Variants in VEPH1 observed in about 807,000 individuals in gnomAD.
VEPH1 encodes the protein ventricular zone-expressed PH domain-containing protein homolog 1.
Under a neutral mutation model 85.2 loss-of-function variants are expected in VEPH1, and 80 were observed. That is an observed-to-expected ratio of 0.94 (90% CI 0.78 to 1.13). VEPH1 has a LOEUF of 1.13. Among genes scored for constraint, VEPH1 ranks in the 50% most tolerant of loss-of-function variants. The pLI, the probability that VEPH1 is intolerant of heterozygous loss-of-function variation, is 0.00. For missense variants in VEPH1, 955 were observed against 980.5 expected, an observed-to-expected ratio of 0.97 and a Z score of 0.35; for synonymous variants, 297 against 348.0, an observed-to-expected ratio of 0.85 and a Z score of 1.63.
intron 7 of VEPH1, among the ~76,000 whole-genome samples, chr3:157,365,581 G>A (rs73873653): frequency 1.4e-3 from 211 of 152,156 alleles, no homozygotes; most frequent in African/African-American, 4.6e-3. Context: ...GAGAAGTATG[G>A]GGTCCCCAGC....
intron 6 of VEPH1, among the ~76,000 whole-genome samples, chr3:157,402,033 A>T (rs1206638946): frequency 6.6e-6 from 1 of 152,166 alleles, no homozygotes; most frequent in Non-Finnish European, 1.5e-5. Flanking sequence ...TTATGTTGAG[A>T]TCTTAACAAT....
At chr3:157,373,365 G>A (rs1240567575) in intron 7 of VEPH1, among the ~76,000 whole-genome samples, 1 of 152,198 alleles carries the variant, frequency 6.6e-6, no homozygotes, top group East Asian at 1.9e-4. Flanking sequence ...GTGGGAATCA[G>A]ACACCAGAAT....
intron 4 of VEPH1, among the ~76,000 whole-genome samples, chr3:157,429,360 T>A (rs2109124529): frequency 6.6e-6 from 1 of 152,246 alleles, no homozygotes; most frequent in South Asian, 2.1e-4. Flanking sequence ...TAAGAAGGAA[T>A]TACACATATA....
At chr3:157,380,803 A>C (rs578034931) in intron 7 of VEPH1, among the ~76,000 whole-genome samples, 1 of 152,140 alleles carries the variant, frequency 6.6e-6, no homozygotes, top group Non-Finnish European at 1.5e-5. Flanking sequence ...TTATCTCTCT[A>C]TATATGTCTA....
chr3:157,331,306 C>A (rs1348850235), intron 9 of VEPH1, among the ~76,000 whole-genome samples: 6 of 152,212 alleles, frequency 3.9e-5, no homozygotes, highest in Admixed American at 3.9e-4. Context: ...GAGCCACACT[C>A]CTAGGACAGT....
chr3:157,259,777 AGTTT>A lies in VEPH1; in HGVS notation c.*1353_*1356del, dbSNP rs1421086811. Reference sequence around the variant, plus strand: ...AAACAGCATACATTTATTATCTGAAAGTTTCTGTGGGTCAGGAGTCCAAACGTGA... The same window carrying A: ...AAACAGCATACATTTATTATCTGAAACTGTGGGTCAGGAGTCCAAACGTGA... On this transcript the variant is annotated 3_prime_UTR_variant, in exon 14 of 14. Coordinates refer to ENST00000362010, the MANE Select transcript of VEPH1 (RefSeq NM_001167912.2). 7.9e-5 allele frequency: 12 copies of A among 152,200 alleles called. No homozygotes were observed. Among genetic ancestry groups the A allele is most frequent in the Non-Finnish European group, 1.3e-4 (9 of 68,040 alleles). The allele number at this position is 152,200 out of a possible 1,614,324, so 9.4% of individuals were successfully genotyped here.
chr3:157,455,714 A>C (rs1016507643), intron 4 of VEPH1, among the ~76,000 whole-genome samples: 1 of 152,164 alleles, frequency 6.6e-6, no homozygotes, highest in Non-Finnish European at 1.5e-5. Context: ...GCTAAGGATA[A>C]TAGCCTCTGG....
intron 7 of VEPH1, among the ~76,000 whole-genome samples, chr3:157,365,187 C>A (rs1212279646): frequency 6.6e-6 from 1 of 152,140 alleles, no homozygotes; most frequent in Non-Finnish European, 1.5e-5. Flanking sequence ...AGAATAAGCA[C>A]CTACAAATAA....
At chr3:157,412,759 C>G (rs763274399) in intron 6 of VEPH1, among the ~76,000 whole-genome samples, 15 of 152,118 alleles carry the variant, frequency 9.9e-5, no homozygotes, top group African/African-American at 3.6e-4. Flanking sequence ...GGCTTGGGAA[C>G]TCAGTTCTCC....
In VEPH1 at chr3:157,331,597, G is replaced by A. The variant is rs908517030; in HGVS notation, c.1736-14396C>T. Among the ~76,000 whole-genome samples, 8 of 152,152 alleles carry A rather than the reference G, an allele frequency of 5.3e-5. 1 individual carries two copies. In the South Asian group the frequency reaches 6.2e-4, roughly 12 times the overall value. ...CAACAGAAGATGACTGCAGAGGACC[G>A]CAGGACACCTCTGGCCAGGGCAATA... On this transcript the variant is annotated intron_variant, in intron 9 of 13. Transcript: ENST00000362010.
chr3:157,459,272 A>T (rs1735627694), intron 4 of VEPH1, among the ~76,000 whole-genome samples: 1 of 152,172 alleles, frequency 6.6e-6, no homozygotes, highest in South Asian at 2.1e-4. Flanking sequence ...AGAGGACAGC[A>T]CCCCACCATG....
intron 4 of VEPH1, chr3:157,438,053 A>G (rs1218059184): frequency 6.4e-5 from 47 of 730,186 alleles, no homozygotes; most frequent in African/African-American, 5.9e-4. Flanking sequence ...ACACACACAC[A>G]CACACACACA....
intron 9 of VEPH1, among the ~76,000 whole-genome samples, chr3:157,349,875 G>A (rs2108700478): frequency 6.6e-6 from 1 of 152,002 alleles, no homozygotes; most frequent in East Asian, 1.9e-4. Flanking sequence ...AAATTTAGGG[G>A]GATACAAACA....
intron 10 of VEPH1, chr3:157,315,874 C>G (rs777687532): frequency 1.3e-5 from 2 of 151,252 alleles, no homozygotes; most frequent in Non-Finnish European, 3.0e-5. Flanking sequence ...CTGATGAAAA[C>G]TAAGTGAAAA....
intron 11 of VEPH1, among the ~76,000 whole-genome samples, chr3:157,308,375 G>A (rs902697503): frequency 2.0e-5 from 3 of 151,742 alleles, no homozygotes; most frequent in African/African-American, 7.3e-5. Context: ...CTTTTATGTA[G>A]GCTTTTTAAA....
At chr3:157,438,071 AC>A (rs1553786716) in intron 4 of VEPH1, among the ~76,000 whole-genome samples, 1 of 146,294 alleles carries the variant, frequency 6.8e-6, no homozygotes, top group African/African-American at 2.5e-5. Flanking sequence ...ACACACACAC[AC>A]CCCTATTTCT....
chr3:157,264,874 A>C (rs958188956), intron 13 of VEPH1, among the ~76,000 whole-genome samples: 7 of 152,228 alleles, frequency 4.6e-5, no homozygotes, highest in Admixed American at 4.6e-4. Flanking sequence ...CAATTTGAAA[A>C]GAAGAGAAGG....
At chr3:157,403,325 G>A (rs1178249647) in intron 6 of VEPH1, among the ~76,000 whole-genome samples, 3 of 152,112 alleles carry the variant, frequency 2.0e-5, no homozygotes, top group Non-Finnish European at 4.4e-5. Context: ...GTGATATTCC[G>A]TGTAAACCAT....
chr3:157,472,423 C>G (rs1005764024), intron 2 of VEPH1, among the ~76,000 whole-genome samples: 8 of 152,080 alleles, frequency 5.3e-5, no homozygotes, highest in African/African-American at 1.9e-4. Context: ...TTAAATATAT[C>G]AGATTCTATT....
Sources: gnomAD v4.1 joint callset for allele counts (sites outside exome capture counted in the v4.1 genomes callset) on GRCh38, gnomAD v4.1.1 for gene constraint, MANE v1.5 for transcripts, NCBI Gene and HGNC (gene_info 2026-07-23, HGNC 2026-07-21) for gene names.